PRKG1: variants seen among roughly 807,000 people sequenced by gnomAD.
The protein encoded by PRKG1 is protein kinase cGMP-dependent 1, also known as cGMP-dependent protein kinase 1.
A neutral mutation model predicts 88.1 loss-of-function variants in PRKG1; 35 were observed. The observed-to-expected ratio is 0.40, with a 90% CI of 0.30 to 0.53. The LOEUF is 0.53. Among genes scored for constraint, PRKG1 ranks in the 20% least tolerant of loss-of-function variants. The pLI is 0.59. For synonymous variants in PRKG1, 303 were observed against 292.5 expected (o/e 1.04, Z -0.37); for missense variants, 540 against 839.8 (o/e 0.64, Z 4.41).
At chr10:51,983,322 A>G (rs1457883724) in intron 5 of PRKG1, among the ~76,000 whole-genome samples, 4 of 152,132 alleles carry the variant, frequency 2.6e-5, no homozygotes, top group African/African-American at 7.2e-5. Context: ...TGGCAAAGCT[A>G]TGTGGGAGGT....
intron 2 of PRKG1, among the ~76,000 whole-genome samples, chr10:51,311,703 T>A (rs540100839): frequency 6.6e-6 from 1 of 152,314 alleles, no homozygotes; most frequent in South Asian, 2.1e-4. Context: ...ATCTTTTTAT[T>A]TCACCATCTG....
intron 2 of PRKG1, among the ~76,000 whole-genome samples, chr10:51,265,421 TA>T (rs1182212040): frequency 5.9e-5 from 9 of 152,202 alleles, no homozygotes; most frequent in Non-Finnish European, 8.8e-5. Flanking sequence ...ATACTGATGC[TA>T]AAAAAATTCT....
In PRKG1 at chr10:52,293,963, C is replaced by G; in HGVS notation, c.*63C>G. 5.1e-6 allele frequency: 7 copies of G among 1,374,530 alleles called. No individual in the cohort carries two copies. The highest frequency in any genetic ancestry group is 6.2e-6 in the Non-Finnish European group (6 of 970,824). 85.1% of individuals were successfully genotyped at this position (1,374,530 alleles called of 1,614,324 possible). On this transcript the variant is annotated 3_prime_UTR_variant, in exon 18 of 18. Transcript: ENST00000373980. Reference sequence around the variant, plus strand: ...GCTTTTTCTGAGACACAGCTGCCAGCAAACCTGAGGGAAAGAGAGAAGATT... The same window carrying G: ...GCTTTTTCTGAGACACAGCTGCCAGGAAACCTGAGGGAAAGAGAGAAGATT...
At chr10:51,690,354 G>C (rs1564607926) in intron 3 of PRKG1, among the ~76,000 whole-genome samples, 1 of 152,062 alleles carries the variant, frequency 6.6e-6, no homozygotes, top group African/African-American at 2.4e-5. Context: ...GGCTATATAG[G>C]ACACATAAGG....
intron 9 of PRKG1, among the ~76,000 whole-genome samples, chr10:52,178,619 T>C (rs952665576): frequency 2.6e-5 from 4 of 152,288 alleles, no homozygotes; most frequent in Admixed American, 2.6e-4. Context: ...TTCCAGTTAC[T>C]GGGATTTATC....
At chr10:51,142,869 A>G (rs979203054) in intron 1 of PRKG1, among the ~76,000 whole-genome samples, 1 of 152,156 alleles carries the variant, frequency 6.6e-6, no homozygotes, top group African/African-American at 2.4e-5. Context: ...GACAGATAAC[A>G]TCATATGCTT....
At chr10:51,036,526 G>A in intron 1 of PRKG1, among the ~76,000 whole-genome samples, 1 of 152,058 alleles carries the variant, frequency 6.6e-6, no homozygotes, top group Non-Finnish European at 1.5e-5. Flanking sequence ...GGGCAGGGGA[G>A]AAGAATCTGG....
At chr10:51,294,254 C>G (rs1840660317) in intron 2 of PRKG1, among the ~76,000 whole-genome samples, 1 of 151,540 alleles carries the variant, frequency 6.6e-6, no homozygotes, top group South Asian at 2.1e-4. Context: ...TACTTTTTTT[C>G]TTGTGCTTTG....
chr10:52,213,928 G>A (rs1177986558), intron 9 of PRKG1, among the ~76,000 whole-genome samples: 1 of 152,046 alleles, frequency 6.6e-6, no homozygotes, highest in African/African-American at 2.4e-5. Flanking sequence ...AATCTTAAAA[G>A]GAAAACCAAA....
At chr10:51,289,562 T>A (rs1480824002) in intron 2 of PRKG1, among the ~76,000 whole-genome samples, 1 of 152,084 alleles carries the variant, frequency 6.6e-6, no homozygotes, top group African/African-American at 2.4e-5. Context: ...ACTAGATGTA[T>A]CATTTTTAAC....
intron 3 of PRKG1, among the ~76,000 whole-genome samples, chr10:51,570,390 T>A (rs1384420834): frequency 6.6e-6 from 1 of 151,672 alleles, no homozygotes; most frequent in Non-Finnish European, 1.5e-5. Flanking sequence ...ATTAAGAAAA[T>A]AAGGAAGACG....
intron 10 of PRKG1, among the ~76,000 whole-genome samples, chr10:52,261,554 T>C (rs1430984793): frequency 6.6e-6 from 1 of 151,986 alleles, no homozygotes; most frequent in Admixed American, 6.6e-5. Flanking sequence ...ACCATGAAGT[T>C]GAGTCACCAC....
chr10:51,975,945 CAG>C (rs1554862928), intron 5 of PRKG1, among the ~76,000 whole-genome samples: 3 of 151,832 alleles, frequency 2.0e-5, no homozygotes, highest in African/African-American at 4.8e-5. Context: ...CAATTAGAAA[CAG>C]GGGAAAGAAT....
intron 4 of PRKG1, among the ~76,000 whole-genome samples, chr10:51,821,635 T>G (rs1038542163): frequency 1.3e-5 from 2 of 152,106 alleles, no homozygotes; most frequent in African/African-American, 4.8e-5. Flanking sequence ...TATTTATATT[T>G]AGCACATTGA....
chr10:51,420,463 G>A (rs913092824), intron 2 of PRKG1, among the ~76,000 whole-genome samples: 6 of 152,178 alleles, frequency 3.9e-5, no homozygotes, highest in Admixed American at 1.3e-4. Context: ...AATCATGGTT[G>A]CACCACAGAT....
At chr10:51,895,515 C>T (rs963943859) in intron 4 of PRKG1, among the ~76,000 whole-genome samples, 5 of 152,112 alleles carry the variant, frequency 3.3e-5, no homozygotes, top group African/African-American at 7.2e-5. Context: ...CAAAAGGCCA[C>T]GGTTTCTGTG....
intron 2 of PRKG1, among the ~76,000 whole-genome samples, chr10:51,339,934 C>T (rs1841966938): frequency 1.3e-5 from 2 of 152,052 alleles, no homozygotes; most frequent in Non-Finnish European, 2.9e-5. Context: ...CTTGCTGAGA[C>T]AAGATGTTAT....
chr10:51,956,950 T>C (rs905274778), intron 5 of PRKG1, among the ~76,000 whole-genome samples: 4 of 151,808 alleles, frequency 2.6e-5, no homozygotes, highest in Non-Finnish European at 4.4e-5. Context: ...ATTTTCTTTC[T>C]TTCCTTCCTT....
chr10:51,086,148 T>C (rs1024001646), intron 1 of PRKG1, among the ~76,000 whole-genome samples: 2 of 152,212 alleles, frequency 1.3e-5, no homozygotes, highest in South Asian at 4.1e-4. Context: ...TAAGTAGATG[T>C]TACTTTGAAA....
Sources: gnomAD v4.1 joint callset for allele counts (sites outside exome capture counted in the v4.1 genomes callset) on GRCh38, gnomAD v4.1.1 for gene constraint, MANE v1.5 for transcripts, NCBI Gene and HGNC (gene_info 2026-07-23, HGNC 2026-07-21) for gene names.